The following ITGB3BP variants were observed in gnomAD, a reference collection of about 807,000 sequenced individuals.
ITGB3BP encodes the protein integrin subunit beta 3 binding protein, also known as centromere protein R.
ITGB3BP carries 27 observed loss-of-function variants against 29.1 expected under a neutral mutation model. The ratio of observed to expected loss-of-function variants is 0.93; its 90% CI spans 0.68 to 1.28. The LOEUF is 1.28. Among genes scored for constraint, ITGB3BP ranks in the 50% most tolerant of loss-of-function variants. The pLI is 0.00. For missense variants in ITGB3BP, 192 were observed against 200.2 expected (o/e 0.96, Z 0.25); for synonymous variants, 61 against 61.4 (o/e 0.99, Z 0.03).
intron 2 of ITGB3BP, among the ~76,000 whole-genome samples, chr1:63,505,953 A>G (rs1479477613): frequency 6.6e-6 from 1 of 152,178 alleles, no homozygotes; most frequent in Non-Finnish European, 1.5e-5. Flanking sequence ...CAATTTTGGA[A>G]TAAGTGTGGT....
intron 2 of ITGB3BP, among the ~76,000 whole-genome samples, chr1:63,495,867 C>T (rs1466331018): frequency 2.0e-5 from 3 of 152,102 alleles, no homozygotes; most frequent in African/African-American, 7.2e-5. Context: ...AGCATGAAAC[C>T]AGATTCATGG....
intron 1 of ITGB3BP, among the ~76,000 whole-genome samples, chr1:63,515,923 A>G (rs780753139): frequency 6.6e-6 from 1 of 151,702 alleles, no homozygotes; most frequent in Non-Finnish European, 1.5e-5. Context: ...TCAAAAAGAC[A>G]AATGTACTTG....
chr1:63,521,290 A>G (rs1280800784), intron 1 of ITGB3BP, among the ~76,000 whole-genome samples: 1 of 152,086 alleles, frequency 6.6e-6, no homozygotes. Context: ...ATTTACTAAC[A>G]ATGATGGAGA....
intron 4 of ITGB3BP, among the ~76,000 whole-genome samples, chr1:63,473,096 T>C (rs1300734014): frequency 1.3e-5 from 2 of 149,222 alleles, no homozygotes; most frequent in Non-Finnish European, 3.0e-5. Context: ...CCGCCCATCG[T>C]CTGAGATGTG....
At chr1:63,451,078 TA>T (rs1185855959) in intron 7 of ITGB3BP, among the ~76,000 whole-genome samples, 1 of 151,654 alleles carries the variant, frequency 6.6e-6, no homozygotes, top group Non-Finnish European at 1.5e-5. Context: ...AATGAAAAAA[TA>T]AATATTACTA....
chr1:63,497,477 G>A (rs1645816180), intron 2 of ITGB3BP, among the ~76,000 whole-genome samples: 2 of 152,118 alleles, frequency 1.3e-5, no homozygotes, highest in South Asian at 4.1e-4. Flanking sequence ...TCATTTACCT[G>A]CCGTAAAAGC....
intron 2 of ITGB3BP, among the ~76,000 whole-genome samples, chr1:63,491,783 A>C (rs1645653281): frequency 6.6e-6 from 1 of 152,198 alleles, no homozygotes; most frequent in African/African-American, 2.4e-5. Flanking sequence ...AAATGCGATG[A>C]ATATCTTTTA....
intron 1 of ITGB3BP, among the ~76,000 whole-genome samples, chr1:63,511,438 T>G (rs1006015680): frequency 6.6e-6 from 1 of 152,052 alleles, no homozygotes; most frequent in Non-Finnish European, 1.5e-5. Context: ...ATGATTCCAC[T>G]TCCAAAAATA....
At chr1:63,472,351 TATG>T (rs1405041539) in intron 4 of ITGB3BP, among the ~76,000 whole-genome samples, 2 of 144,734 alleles carry the variant, frequency 1.4e-5, no homozygotes, top group African/African-American at 5.1e-5. Flanking sequence ...CTCTCCTAGC[TATG>T]ATATTTTTGC....
intron 8 of ITGB3BP, among the ~76,000 whole-genome samples, chr1:63,444,178 AC>A (rs1644761315): frequency 6.6e-6 from 1 of 152,112 alleles, no homozygotes. Context: ...TCAAAAGAAC[AC>A]CCCAAAATGT....
At position 63,472,589 on chromosome 1, in the gene ITGB3BP, G is replaced by T. The variant is rs553031981; in HGVS notation, c.254+6175C>A. On this transcript the variant is annotated intron_variant, in intron 4 of 8. Transcript: ENST00000271002. The stretch of plus-strand genomic sequence containing the variant: ...CTCCCTGCCTGATTCTCCTGCCTCA[G>T]CCTGCCGAGTGCCTGCGATTGCAGG... Among the ~76,000 whole-genome samples the T allele has an allele frequency of 4.7e-5, 7 of 150,416 alleles. No individual in the cohort carries two copies. In the East Asian group the frequency reaches 1.4e-3, roughly 30 times the overall value.
chr1:63,446,190 T>C (rs1402917906), intron 8 of ITGB3BP, among the ~76,000 whole-genome samples: 7 of 152,184 alleles, frequency 4.6e-5, no homozygotes, highest in African/African-American at 1.7e-4. Context: ...TGAGCCACCA[T>C]GCCCAGCCAA....
chr1:63,508,791 TGA>T (rs1268353321), intron 1 of ITGB3BP, among the ~76,000 whole-genome samples: 1 of 152,150 alleles, frequency 6.6e-6, no homozygotes, highest in African/African-American at 2.4e-5. Flanking sequence ...AATATTTAAA[TGA>T]GTTTCTTTAA....
intron 1 of ITGB3BP, among the ~76,000 whole-genome samples, chr1:63,522,194 AATTG>A (rs1211951930): frequency 6.6e-6 from 1 of 152,224 alleles, no homozygotes; most frequent in Admixed American, 6.5e-5. Flanking sequence ...AACGTAGATA[AATTG>A]ATTAATACAG....
At chr1:63,521,544 C>T (rs771256500) in intron 1 of ITGB3BP, among the ~76,000 whole-genome samples, 38 of 152,106 alleles carry the variant, frequency 2.5e-4, no homozygotes, top group Admixed American at 9.2e-4. Context: ...AAAAGGTCCA[C>T]TTTTAGGCCT....
intron 4 of ITGB3BP, among the ~76,000 whole-genome samples, chr1:63,465,468 GC>G (rs774081190): frequency 6.6e-6 from 1 of 151,038 alleles, no homozygotes; most frequent in Non-Finnish European, 1.5e-5. Flanking sequence ...TGTCTCCCAG[GC>G]TAGAGTGCAA....
intron 1 of ITGB3BP, among the ~76,000 whole-genome samples, chr1:63,517,049 A>G (rs2100819019): frequency 6.6e-6 from 1 of 152,298 alleles, no homozygotes; most frequent in Non-Finnish European, 1.5e-5. Flanking sequence ...AAGAAAGTAC[A>G]AAGAAGGAAA....
chr1:63,488,451 T>C (rs979915333), intron 3 of ITGB3BP, among the ~76,000 whole-genome samples: 2 of 152,014 alleles, frequency 1.3e-5, no homozygotes, highest in Non-Finnish European at 2.9e-5. Context: ...ATTTAAATTT[T>C]ATATTATGTT....
chr1:63,475,930 G>A (rs773657756), intron 4 of ITGB3BP, among the ~76,000 whole-genome samples: 10 of 150,994 alleles, frequency 6.6e-5, no homozygotes, highest in South Asian at 2.1e-4. Context: ...CCCAGGAGGC[G>A]GAGGTTGCAG....
Sources: allele counts gnomAD v4.1 joint callset (sites outside exome capture counted in the v4.1 genomes callset), GRCh38; gene constraint gnomAD v4.1.1; transcripts MANE v1.5; gene names NCBI Gene and HGNC (gene_info 2026-07-23, HGNC 2026-07-21).